The following SPATA9 variants were observed in gnomAD, a reference collection of about 807,000 sequenced individuals.
SPATA9 encodes the protein spermatogenesis associated 9.
A neutral mutation model predicts 25.5 loss-of-function variants in SPATA9; 27 were observed. The observed-to-expected ratio is 1.06, with a 90% CI of 0.78 to 1.46. SPATA9 has a LOEUF of 1.46. Ranked by LOEUF, SPATA9 falls within the 40% of genes most tolerant of loss-of-function variation. SPATA9 has a pLI of 0.00. For synonymous variants in SPATA9, 102 were observed against 105.7 expected (o/e 0.97, Z 0.21); for missense variants, 282 against 297.5 (o/e 0.95, Z 0.38).
chr5:95,715,204 G>A, the SPATA9 span, among the ~76,000 whole-genome samples: 5 of 151,782 alleles, frequency 3.3e-5, no homozygotes, highest in East Asian at 1.9e-4. Context: ...CATGCCTGTA[G>A]TCCCAGCTAT....
chr5:95,708,779 C>G, the SPATA9 span: 1 of 611,714 alleles, frequency 1.6e-6, no homozygotes, highest in Non-Finnish European at 2.9e-6. Context: ...AGATCGACTG[C>G]AAAGGTGACT....
At chr5:95,695,166 G>C (rs570815509) in intron 1 of SPATA9, among the ~76,000 whole-genome samples, 2 of 152,226 alleles carry the variant, frequency 1.3e-5, no homozygotes, top group South Asian at 4.2e-4. Flanking sequence ...ATACTATTTT[G>C]TAGGTAAGAG....
At chr5:95,662,318 T>C (rs1751341901) in intron 4 of SPATA9, among the ~76,000 whole-genome samples, 2 of 152,196 alleles carry the variant, frequency 1.3e-5, no homozygotes, top group African/African-American at 4.8e-5. Context: ...AACAGGAGAA[T>C]ATTTTCATGA....
intron 1 of SPATA9, among the ~76,000 whole-genome samples, chr5:95,690,100 TAATGA>T (rs1172552593): frequency 6.6e-6 from 1 of 152,048 alleles, no homozygotes; most frequent in African/African-American, 2.4e-5. Context: ...AATACCTGGG[TAATGA>T]AATAATCTGT....
chr5:95,682,663 C>T (rs367676902), intron 1 of SPATA9, 47 bp from the exon 2 acceptor site: 195 of 1,544,390 alleles, frequency 1.3e-4, no homozygotes, highest in Non-Finnish European at 1.6e-4. Flanking sequence ...AAAACATCCC[C>T]TAAATGTTTC....
upstream of SPATA9, among the ~76,000 whole-genome samples, chr5:95,700,105 G>T (rs1754139464): frequency 6.6e-6 from 1 of 151,954 alleles, no homozygotes; most frequent in South Asian, 2.1e-4. Context: ...AATGATCAAA[G>T]GGGTGAAAGC....
intron 2 of SPATA9, among the ~76,000 whole-genome samples, chr5:95,681,527 TGA>T (rs1753455533): frequency 6.6e-6 from 1 of 152,224 alleles, no homozygotes; most frequent in African/African-American, 2.4e-5. Flanking sequence ...GATGTAACAC[TGA>T]CCATATTCTA....
rs767202225 is a variant in SPATA9, at chr5:95,682,774, T to C, written c.61+20A>G. On this transcript the variant is annotated intron_variant, in intron 1 of 4. Coordinates refer to ENST00000274432, the MANE Select transcript of SPATA9 (RefSeq NM_031952.4). ...ATTGTTCCCACACCCATACGCCCTTTACAACAAGATTGTGTATACTTCTTC... is the reference window on the plus strand; with the variant it reads ...ATTGTTCCCACACCCATACGCCCTTCACAACAAGATTGTGTATACTTCTTC... The C allele has an allele frequency of 2.6e-5, 40 of 1,542,188 alleles. 1 individual carries two copies. Among genetic ancestry groups the C allele is most frequent in the Middle Eastern group, 3.5e-4 (2 of 5,754 alleles).
At chr5:95,699,665 A>C (rs149692), upstream of SPATA9, among the ~76,000 whole-genome samples, 83,845 of 151,938 alleles carry the variant, frequency 0.55, 23,341 homozygotes, top group East Asian at 0.8. Context: ...GGAAGAGTCC[A>C]AGGCAGCTTA....
the SPATA9 span, chr5:95,732,001 ACGGTCGCG>A: frequency 6.2e-7 from 1 of 1,614,120 alleles, no homozygotes; most frequent in Non-Finnish European, 8.5e-7. Context: ...CGCGGCCAGC[ACGGTCGCG>A]CGTCCGGTGT....
At chr5:95,707,978 G>A in the SPATA9 span, among the ~76,000 whole-genome samples, 1 of 152,176 alleles carries the variant, frequency 6.6e-6, no homozygotes, top group Non-Finnish European at 1.5e-5. Flanking sequence ...AAGTTTGACA[G>A]AAGCTATGCA....
intron 3 of SPATA9, among the ~76,000 whole-genome samples, chr5:95,675,108 AAC>A (rs1298174674): frequency 1.3e-5 from 2 of 152,224 alleles, no homozygotes; most frequent in East Asian, 1.9e-4. Context: ...AAAGGAACAA[AAC>A]ACAATAATTT....
At chr5:95,710,376 C>T in the SPATA9 span, among the ~76,000 whole-genome samples, 1 of 152,178 alleles carries the variant, frequency 6.6e-6, no homozygotes, top group Admixed American at 6.5e-5. Flanking sequence ...CATTTGACAT[C>T]CATTTGCCAG....
intron 2 of SPATA9, among the ~76,000 whole-genome samples, chr5:95,676,267 T>C (rs1425347243): frequency 6.6e-6 from 1 of 152,188 alleles, no homozygotes; most frequent in African/African-American, 2.4e-5. Flanking sequence ...TATTTTTTAA[T>C]TTAAATAGGT....
the SPATA9 span, among the ~76,000 whole-genome samples, chr5:95,712,714 C>T: frequency 6.6e-6 from 1 of 152,136 alleles, no homozygotes; most frequent in Non-Finnish European, 1.5e-5. Context: ...ACCTGAGGCC[C>T]CAGACATCAT....
the SPATA9 span, chr5:95,731,801 G>A: frequency 5.0e-6 from 8 of 1,603,264 alleles, no homozygotes; most frequent in Non-Finnish European, 6.8e-6. Context: ...CTGTTCCGAG[G>A]AGAGACCCGC....
At chr5:95,692,805 AT>A (rs1753923839) in intron 1 of SPATA9, among the ~76,000 whole-genome samples, 1 of 152,146 alleles carries the variant, frequency 6.6e-6, no homozygotes, top group Non-Finnish European at 1.5e-5. Flanking sequence ...AATATGGTCT[AT>A]AAAATCTCCA....
At chr5:95,700,478 T>A (rs1754152393), upstream of SPATA9, among the ~76,000 whole-genome samples, 1 of 152,096 alleles carries the variant, frequency 6.6e-6, no homozygotes, top group Non-Finnish European at 1.5e-5. Context: ...TTTTATATTT[T>A]TCATAGAGAC....
At chr5:95,710,021 G>A in the SPATA9 span, among the ~76,000 whole-genome samples, 2 of 152,126 alleles carry the variant, frequency 1.3e-5, no homozygotes, top group Non-Finnish European at 2.9e-5. Flanking sequence ...CAGTGTAAAC[G>A]TTAATACGTT....
Sources: gnomAD v4.1 joint callset for allele counts (sites outside exome capture counted in the v4.1 genomes callset) on GRCh38, gnomAD v4.1.1 for gene constraint, MANE v1.5 for transcripts, NCBI Gene and HGNC (gene_info 2026-07-23, HGNC 2026-07-21) for gene names.